Variants in MTMR2 observed in about 807,000 individuals in gnomAD.
MTMR2 encodes phosphatidylinositol-3,5-bisphosphate 3-phosphatase MTMR2.
Under a neutral mutation model 86.9 loss-of-function variants are expected in MTMR2, and 55 were observed. The observed-to-expected ratio is 0.63, with a 90% CI of 0.51 to 0.79. MTMR2 has a LOEUF of 0.79. MTMR2 is among the 30% of genes least tolerant of loss of function. MTMR2 has a pLI of 0.00. For missense variants in MTMR2, 659 were observed against 772.3 expected (o/e 0.85, Z 1.74); for synonymous variants, 241 against 266.8 (o/e 0.90, Z 0.94).
At chr11:95,894,408 C>T (rs186851039) in intron 1 of MTMR2, among the ~76,000 whole-genome samples, 8 of 152,236 alleles carry the variant, frequency 5.3e-5, no homozygotes, top group South Asian at 2.1e-4. Context: ...AAGAAGAATA[C>T]GTGGCATATG....
chr11:95,891,127 G>C (rs1865699667), intron 1 of MTMR2, among the ~76,000 whole-genome samples: 1 of 152,112 alleles, frequency 6.6e-6, no homozygotes, highest in Admixed American at 6.6e-5. Flanking sequence ...AATATTGACA[G>C]ACTATTGTAG....
intron 1 of MTMR2, among the ~76,000 whole-genome samples, chr11:95,920,582 G>A (rs1295875911): frequency 6.6e-6 from 1 of 151,566 alleles, no homozygotes; most frequent in African/African-American, 2.4e-5. Context: ...CCCTTTTGTG[G>A]GCAAAAGCAT....
chr11:95,913,267 G>T (rs1014615141), intron 1 of MTMR2, among the ~76,000 whole-genome samples: 1 of 152,096 alleles, frequency 6.6e-6, no homozygotes, highest in Non-Finnish European at 1.5e-5. Context: ...ATGCTACATG[G>T]TAAAGTCTAG....
At position 95,833,748 on chromosome 11, in the gene MTMR2, C is replaced by CTTAA. The variant is rs1466512677; in HGVS notation, c.*1538_*1541dup. 1 of 152,022 alleles carries CTTAA rather than the reference C, an allele frequency of 6.6e-6. No individual in the cohort carries two copies. The highest frequency in any genetic ancestry group is 6.6e-5 in the Admixed American group (1 of 15,242). The allele number at this position is 152,022 out of a possible 1,614,324, so 9.4% of individuals were successfully genotyped here. A position where few individuals can be genotyped will look rare whatever the true frequency, so the allele number is the denominator to read the frequency against. ...TTTGTGAAATACTTGGAGTAGAAAG[C>CTTAA]TTAATTTTTAATTACTGATTTGCTA... On this transcript the variant is annotated 3_prime_UTR_variant, in exon 15 of 15. Coordinates refer to ENST00000346299, the MANE Select transcript of MTMR2 (RefSeq NM_016156.6).
chr11:95,838,076 T>G lies in MTMR2; in HGVS notation c.1593+18A>C. On this transcript the variant is annotated intron_variant, in intron 13 of 14. Coordinates refer to ENST00000346299, the MANE Select transcript of MTMR2 (RefSeq NM_016156.6). The stretch of plus-strand genomic sequence containing the variant: ...TACAGTAGAGATAGTATGGGGAAGG[T>G]CATGTTTCATATTTTACCTCTTTTC... The G allele has an allele frequency of 3.6e-6, 5 of 1,406,252 alleles. No individual in the cohort carries two copies. The highest frequency in any genetic ancestry group is 5.0e-6 in the Non-Finnish European group (5 of 993,854). 87.1% of individuals were successfully genotyped at this position (1,406,252 alleles called of 1,614,324 possible).
chr11:95,895,824 AAAAT>A (rs1164835480), intron 1 of MTMR2, among the ~76,000 whole-genome samples: 2 of 152,166 alleles, frequency 1.3e-5, no homozygotes, highest in South Asian at 2.1e-4. Context: ...AGAGAAAAAC[AAAAT>A]ATATATTAAA....
chr11:95,840,879 G>A (rs947414854), intron 12 of MTMR2, among the ~76,000 whole-genome samples: 1 of 152,054 alleles, frequency 6.6e-6, no homozygotes, highest in African/African-American at 2.4e-5. Flanking sequence ...AGTTGTTTTG[G>A]GGTCTAATAA....
chr11:95,868,268 T>A, intron 2 of MTMR2, among the ~76,000 whole-genome samples: 1 of 74,744 alleles, frequency 1.3e-5, no homozygotes, highest in East Asian at 4.4e-4. Flanking sequence ...AGTGAGACCC[T>A]GTGCTAAAAA....
At chr11:95,889,523 G>A (rs1157097277) in intron 1 of MTMR2, among the ~76,000 whole-genome samples, 2 of 129,196 alleles carry the variant, frequency 1.5e-5, no homozygotes, top group Non-Finnish European at 3.2e-5. Context: ...TTTGGGGGGG[G>A]AGGGGGGCGG....
chr11:95,865,571 G>A (rs1214982232), intron 3 of MTMR2, 30 bp downstream of exon 3: 1 of 1,564,554 alleles, frequency 6.4e-7, no homozygotes, highest in Non-Finnish European at 8.8e-7. Context: ...GAACGGAGAA[G>A]GACATTAAGC....
chr11:95,917,069 C>A (rs947226815), intron 1 of MTMR2, among the ~76,000 whole-genome samples: 1 of 152,100 alleles, frequency 6.6e-6, no homozygotes, highest in South Asian at 2.1e-4. Context: ...CCAACTTTAT[C>A]TTTTTATACA....
At chr11:95,878,997 T>C (rs1386457939) in intron 2 of MTMR2, among the ~76,000 whole-genome samples, 1 of 152,118 alleles carries the variant, frequency 6.6e-6, no homozygotes, top group Non-Finnish European at 1.5e-5. Flanking sequence ...ATGGGGTCAT[T>C]GACCCTTATA....
At chr11:95,849,563 A>T (rs1164940066) in intron 9 of MTMR2, 111 bp downstream of exon 9, 1 of 965,974 alleles carries the variant, frequency 1.0e-6, no homozygotes, top group African/African-American at 1.6e-5. Flanking sequence ...CCAAGACAAG[A>T]ACCTATATGT....
At position 95,841,765 on chromosome 11, in the gene MTMR2, G is replaced by T. The variant is rs1863558746; in HGVS notation, c.1387-56C>A. 2.9e-6 allele frequency: 4 copies of T among 1,378,646 alleles called. No individual in the cohort carries two copies. In the East Asian group the frequency reaches 9.1e-5, roughly 31 times the overall value. 85.4% of individuals were successfully genotyped at this position (1,378,646 alleles called of 1,614,324 possible). A position where few individuals can be genotyped will look rare whatever the true frequency, so the allele number is the denominator to read the frequency against. On this transcript the variant is annotated intron_variant, in intron 11 of 14. Transcript: ENST00000346299. ...TAGGGGGATTTTTCATGTTTTGATG[G>T]AAATAATTTTTTAAAAAAATAATTG...
chr11:95,910,143 A>ACG (rs1333202185), intron 1 of MTMR2, among the ~76,000 whole-genome samples: 7 of 151,640 alleles, frequency 4.6e-5, no homozygotes, highest in Non-Finnish European at 7.4e-5. Context: ...ACACACACAC[A>ACG]CACACCCTAC....
At chr11:95,873,365 T>C (rs554602074) in intron 2 of MTMR2, among the ~76,000 whole-genome samples, 34 of 152,350 alleles carry the variant, frequency 2.2e-4, no homozygotes, top group African/African-American at 7.5e-4. Context: ...AATTTATCCA[T>C]TTCTTCTAGA....
At chr11:95,900,255 C>T (rs1214944579) in intron 1 of MTMR2, among the ~76,000 whole-genome samples, 2 of 152,106 alleles carry the variant, frequency 1.3e-5, no homozygotes, top group African/African-American at 4.8e-5. Flanking sequence ...AGAAATACAG[C>T]TTTAACATTC....
intron 2 of MTMR2, among the ~76,000 whole-genome samples, chr11:95,878,836 T>C (rs1423741886): frequency 6.6e-6 from 1 of 152,092 alleles, no homozygotes; most frequent in Non-Finnish European, 1.5e-5. Context: ...AGAAGATAGG[T>C]GAATAGATAT....
chr11:95,889,385 G>A (rs554651089), intron 1 of MTMR2, among the ~76,000 whole-genome samples: 5 of 151,934 alleles, frequency 3.3e-5, no homozygotes, highest in African/African-American at 4.8e-5. Flanking sequence ...TGCCCGCTTC[G>A]GCCTCCCAAA....
Sources: gnomAD v4.1 joint callset for allele counts (sites outside exome capture counted in the v4.1 genomes callset) on GRCh38, gnomAD v4.1.1 for gene constraint, MANE v1.5 for transcripts, NCBI Gene and HGNC (gene_info 2026-07-23, HGNC 2026-07-21) for gene names.